HECTD4: variants seen among roughly 807,000 people sequenced by gnomAD.
HECTD4 encodes probable E3 ubiquitin-protein ligase HECTD4.
In HECTD4, 114 loss-of-function variants were observed where a neutral mutation model predicts 471.5. The observed-to-expected ratio is 0.24, with a 90% CI of 0.21 to 0.28. HECTD4 has a LOEUF of 0.28. Among genes scored for constraint, HECTD4 ranks in the 10% least tolerant of loss-of-function variants. The probability of loss-of-function intolerance (pLI) is 1.00; values close to 1 mark genes in which losing one functional copy is unlikely to be tolerated. For synonymous variants in HECTD4, 2,012 were observed against 2,256.0 expected (o/e 0.89, Z 3.07); for missense variants, 3,866 against 5,651.5 (o/e 0.68, Z 10.13).
In HECTD4 at chr12:112,381,197, A is replaced by G. The variant is rs1396984313; in HGVS notation, c.177+755T>C. ...TTGGTTCCCTTCTGCCCCCAAGGCC[A>G]AGCAGCTCAACTGATGAGATCTGCT... On this transcript the variant is annotated intron_variant, in intron 1 of 75. Coordinates refer to ENST00000682272, the MANE Select transcript of HECTD4 (RefSeq NM_001388303.1). This position sits in a 1 kb window ranked among gnomAD's most constrained non-coding sequence, Gnocchi z 4.1. Among the ~76,000 whole-genome samples, 3 of 152,304 alleles carry G rather than the reference A, an allele frequency of 2.0e-5. No individual in the cohort carries two copies.
At chr12:112,271,978 T>G (rs1330365422) in intron 11 of HECTD4, among the ~76,000 whole-genome samples, 1 of 152,208 alleles carries the variant, frequency 6.6e-6, no homozygotes, top group Non-Finnish European at 1.5e-5. Flanking sequence ...GTTACTGATT[T>G]CTCTGCTCAG....
intron 4 of HECTD4, among the ~76,000 whole-genome samples, chr12:112,311,010 C>A (rs1033660009): frequency 6.6e-6 from 1 of 152,106 alleles, no homozygotes; most frequent in African/African-American, 2.4e-5. Context: ...GCCTGTAATC[C>A]CAACACTTTG....
chr12:112,293,264 C>G (rs1566101553), intron 7 of HECTD4, among the ~76,000 whole-genome samples: 2 of 150,388 alleles, frequency 1.3e-5, no homozygotes, highest in Admixed American at 6.7e-5. Flanking sequence ...ACTCAGGAGG[C>G]TGAGGCAGGA....
Position 112,162,283 on chromosome 12 carries a change from C to T in HECTD4, c.*104G>A, listed in dbSNP as rs2030718061. On this transcript the variant is annotated 3_prime_UTR_variant, in exon 76 of 76. Transcript: ENST00000682272. This position sits in a 1 kb window ranked among gnomAD's most constrained non-coding sequence, Gnocchi z 5.2. ...GAAAGTTTGGAAAAGCAAAATGTTG[C>T]CAACTCCTCACGCAGGGCCCTGGAG... 8.7e-6 allele frequency: 12 copies of T among 1,379,906 alleles called. No individual in the cohort carries two copies. The highest frequency in any genetic ancestry group is 1.4e-5 in the African/African-American group (1 of 69,328). 85.5% of individuals were successfully genotyped at this position (1,379,906 alleles called of 1,614,324 possible).
intron 7 of HECTD4, among the ~76,000 whole-genome samples, chr12:112,295,150 G>A (rs959633996): frequency 6.7e-6 from 1 of 150,318 alleles, no homozygotes; most frequent in Non-Finnish European, 1.5e-5. Context: ...AAAAAAAAAA[G>A]AGAGAGAAAC....
At chr12:112,172,650 G>A (rs759232263) in intron 67 of HECTD4, 21 bp downstream of exon 67, 2 of 1,610,798 alleles carry the variant, frequency 1.2e-6, no homozygotes, top group Non-Finnish European at 1.7e-6. Flanking sequence ...CAGGGGAGGG[G>A]ATAGGCCCAG....
chr12:112,253,920 G>T, intron 22 of HECTD4, 123 bp downstream of exon 22: 1 of 933,996 alleles, frequency 1.1e-6, no homozygotes, highest in Non-Finnish European at 1.6e-6. Flanking sequence ...CTGGTAAGGT[G>T]GCTCCACCTC....
intron 1 of HECTD4, among the ~76,000 whole-genome samples, chr12:112,354,958 G>A (rs2036307758): frequency 6.6e-6 from 1 of 151,782 alleles, no homozygotes; most frequent in South Asian, 2.1e-4. Flanking sequence ...TAAGCATAAG[G>A]TTAAGGGTTT....
intron 13 of HECTD4, among the ~76,000 whole-genome samples, chr12:112,268,847 T>C (rs1199852184): frequency 1.3e-5 from 2 of 149,690 alleles, no homozygotes; most frequent in Non-Finnish European, 3.0e-5. Flanking sequence ...GCCTATAAAT[T>C]CTGCTCTCTT....
intron 67 of HECTD4, among the ~76,000 whole-genome samples, chr12:112,172,062 C>G (rs927125207): frequency 5.3e-5 from 8 of 152,192 alleles, no homozygotes; most frequent in African/African-American, 1.9e-4. Context: ...CGCCACCACG[C>G]CCGGCTAATT....
chr12:112,258,289 A>AT (rs2034069216), intron 20 of HECTD4: 1 of 393,160 alleles, frequency 2.5e-6, no homozygotes, highest in South Asian at 9.5e-5. Flanking sequence ...TTTTGAACTA[A>AT]TCTCTTGATC....
chr12:112,299,102 C>T lies in HECTD4; in HGVS notation c.1335+6962G>A, dbSNP rs552957858. Among the ~76,000 whole-genome samples, 4 of 152,146 alleles carry T rather than the reference C, an allele frequency of 2.6e-5. No individual in the cohort carries two copies. The East Asian group carries it at 7.7e-4, about 29-fold the overall frequency. On this transcript the variant is annotated intron_variant, in intron 7 of 75. Transcript: ENST00000682272. Reference sequence around the variant, plus strand: ...AATGATGAAAAATTTCAAACATATGCAAAAAAGAGAATAGTACAATGAGCC... The same window carrying T: ...AATGATGAAAAATTTCAAACATATGTAAAAAAGAGAATAGTACAATGAGCC...
chr12:112,220,063 T>C (rs748082228), intron 44 of HECTD4, among the ~76,000 whole-genome samples: 16 of 152,152 alleles, frequency 1.1e-4, no homozygotes, highest in Middle Eastern at 3.2e-3. Context: ...CTTGCAATAC[T>C]GGGTAACAAC....
chr12:112,216,353 G>A lies in HECTD4; in HGVS notation c.7404C>T (p.His2468=), dbSNP rs1430971745. The A allele has an allele frequency of 1.3e-6, 2 of 1,554,476 alleles. No individual in the cohort carries two copies. Among genetic ancestry groups the A allele is most frequent in the Non-Finnish European group, 1.7e-6 (2 of 1,148,160 alleles). Residue 2468 remains histidine, a synonymous_variant, in exon 48 of 76, where the codon CAC becomes CAT. Coordinates refer to ENST00000682272, the MANE Select transcript of HECTD4 (RefSeq NM_001388303.1). Reference sequence around the variant, plus strand: ...ACTGTAACAAACTGGAGCCATTATAGTGCACGGCTCGGCCGTTGCTATGAA... The same window carrying A: ...ACTGTAACAAACTGGAGCCATTATAATGCACGGCTCGGCCGTTGCTATGAA... ...CLFHNNGRAV[H]YNGSSLLQWK...
chr12:112,288,433 G>T (rs1024563218), intron 7 of HECTD4, among the ~76,000 whole-genome samples: 1 of 151,908 alleles, frequency 6.6e-6, no homozygotes, highest in African/African-American at 2.4e-5. Context: ...ATCAGCCTGG[G>T]CAACATGGCA....
At chr12:112,307,967 C>T (rs1357896643) in intron 6 of HECTD4, among the ~76,000 whole-genome samples, 1 of 152,240 alleles carries the variant, frequency 6.6e-6, no homozygotes, top group African/African-American at 2.4e-5. Flanking sequence ...ACAATAAACA[C>T]TTGCTGAATG....
At chr12:112,346,065 G>A (rs2036143378) in intron 1 of HECTD4, among the ~76,000 whole-genome samples, 2 of 152,164 alleles carry the variant, frequency 1.3e-5, no homozygotes, top group South Asian at 4.1e-4. Flanking sequence ...CCTTAACCTG[G>A]AAAACCACAG....
At chr12:112,172,321 GTTA>G in intron 67 of HECTD4, among the ~76,000 whole-genome samples, 2 of 152,368 alleles carry the variant, frequency 1.3e-5, no homozygotes, top group Middle Eastern at 3.4e-3. Flanking sequence ...TCTACTGCAA[GTTA>G]TCAGACTATA....
intron 52 of HECTD4, among the ~76,000 whole-genome samples, chr12:112,205,920 A>G (rs911668358): frequency 6.6e-6 from 1 of 151,890 alleles, no homozygotes; most frequent in Non-Finnish European, 1.5e-5. Context: ...ATATTTTTGT[A>G]CTGTTTGATT....
Sources: gnomAD v4.1 joint callset for allele counts (sites outside exome capture counted in the v4.1 genomes callset) on GRCh38, gnomAD v4.1.1 for gene constraint, Gnocchi (gnomAD v3.1) non-coding constraint, MANE v1.5 for transcripts, NCBI Gene and HGNC (gene_info 2026-07-23, HGNC 2026-07-21) for gene names.